Variants in NCBP3 observed in about 807,000 individuals in gnomAD.
The protein encoded by NCBP3 is nuclear cap binding subunit 3.
In NCBP3, 20 loss-of-function variants were observed where a neutral mutation model predicts 75.7. The observed-to-expected ratio is 0.26, with a 90% confidence interval of 0.19 to 0.38. NCBP3 has a LOEUF of 0.38. Among genes scored for constraint, NCBP3 ranks in the 10% least tolerant of loss-of-function variants. The probability of loss-of-function intolerance (pLI) is 1.00; values close to 1 mark genes in which losing one functional copy is unlikely to be tolerated. For missense variants in NCBP3, 678 were observed against 796.9 expected, an observed-to-expected ratio of 0.85 and a Z score of 1.80; for synonymous variants, 293 against 290.5, an observed-to-expected ratio of 1.01 and a Z score of -0.09.
In NCBP3 at chr17:3,821,936, G is replaced by T; in HGVS notation, c.896+17C>A. The T allele has an allele frequency of 6.6e-7, 1 of 1,514,528 alleles. No individual in the cohort carries two copies. Among genetic ancestry groups the T allele is most frequent in the Admixed American group, 1.8e-5 (1 of 55,836 alleles). 93.8% of individuals were successfully genotyped at this position (1,514,528 alleles called of 1,614,324 possible). A position where few individuals can be genotyped will look rare whatever the true frequency, so the allele number is the denominator to read the frequency against. On this transcript the variant is annotated intron_variant, in intron 8 of 12. Transcript: ENST00000389005. ...GAAAAACTCAAATACTATTGCATTTGAAGGTTTTGGACTCACCATGAATTG... is the reference window on the plus strand; with the variant it reads ...GAAAAACTCAAATACTATTGCATTTTAAGGTTTTGGACTCACCATGAATTG...
intron 12 of NCBP3, among the ~76,000 whole-genome samples, chr17:3,813,717 G>A (rs2053469789): frequency 1.3e-5 from 2 of 152,096 alleles, no homozygotes; most frequent in African/African-American, 4.8e-5. Context: ...TTTTGTAGAC[G>A]GCCACATTAT....
intron 3 of NCBP3, among the ~76,000 whole-genome samples, chr17:3,835,615 TA>T (rs1199787494): frequency 6.6e-6 from 1 of 152,204 alleles, no homozygotes; most frequent in African/African-American, 2.4e-5. Context: ...TACCCAAAAA[TA>T]AAGTTGCCTG....
intron 11 of NCBP3, among the ~76,000 whole-genome samples, chr17:3,815,275 C>T (rs902509275): frequency 6.6e-6 from 1 of 152,196 alleles, no homozygotes; most frequent in African/African-American, 2.4e-5. Flanking sequence ...GTAAAAAAAT[C>T]AGGTTTGCCA....
intron 4 of NCBP3, among the ~76,000 whole-genome samples, chr17:3,827,483 T>C (rs1378789083): frequency 6.6e-6 from 1 of 152,228 alleles, no homozygotes; most frequent in Non-Finnish European, 1.5e-5. Flanking sequence ...GTTGGCTTTG[T>C]AGCAACTAAT....
intron 1 of NCBP3, among the ~76,000 whole-genome samples, 180 bp downstream of exon 1, chr17:3,845,861 T>C (rs2054155410): frequency 6.8e-6 from 1 of 148,126 alleles, no homozygotes; most frequent in Admixed American, 6.7e-5. Flanking sequence ...CCCGGCGTCC[T>C]TTCTCCCGCT....
In NCBP3 at chr17:3,806,648, C is replaced by T. The variant is rs1175290486; in HGVS notation, c.*6396G>A. 2 of 142,558 alleles carry T rather than the reference C, an allele frequency of 1.4e-5. No homozygotes were observed. The highest frequency in any genetic ancestry group is 3.0e-5 in the Non-Finnish European group (2 of 66,714). The allele number at this position is 142,558 out of a possible 1,614,324, so 8.8% of individuals were successfully genotyped here. A position where few individuals can be genotyped will look rare whatever the true frequency, so the allele number is the denominator to read the frequency against. On this transcript the variant is annotated 3_prime_UTR_variant, in exon 13 of 13. Transcript: ENST00000389005. ...ATGCCTCACAACTACTTAAAATTGG[C>T]TTTTTGAAGCAGCATTTCCCTAACT... is the stretch of plus-strand genomic sequence containing the variant.
At chr17:3,819,789 C>T (rs1321348788) in intron 9 of NCBP3, among the ~76,000 whole-genome samples, 2 of 151,856 alleles carry the variant, frequency 1.3e-5, no homozygotes, top group African/African-American at 2.4e-5. Flanking sequence ...ATTATGAAAA[C>T]AAATGGGAAA....
In NCBP3 at chr17:3,812,334, A is replaced by T. The variant is rs1004398271; in HGVS notation, c.*710T>A. 5.6e-5 allele frequency: 11 copies of T among 195,348 alleles called. No individual in the cohort carries two copies. Among genetic ancestry groups the T allele is most frequent in the African/African-American group, 2.4e-4 (10 of 42,300 alleles). 12.1% of individuals were successfully genotyped at this position (195,348 alleles called of 1,614,324 possible). On this transcript the variant is annotated 3_prime_UTR_variant, in exon 13 of 13. Coordinates refer to ENST00000389005, the MANE Select transcript of NCBP3 (RefSeq NM_001114118.3). The stretch of plus-strand genomic sequence containing the variant: ...ACCCATAATCCCACCCCAGCACAAA[A>T]ATCAACCCCAAATCCAGACGTCACA...
At chr17:3,831,357 A>G (rs2053874457) in intron 3 of NCBP3, among the ~76,000 whole-genome samples, 1 of 151,598 alleles carries the variant, frequency 6.6e-6, no homozygotes, top group Non-Finnish European at 1.5e-5. Context: ...GCAGATCACG[A>G]GGTCAAGAGG....
chr17:3,843,331 G>C (rs111820521), intron 1 of NCBP3, among the ~76,000 whole-genome samples, 180 bp from the exon 2 acceptor site: 1,601 of 149,252 alleles, frequency 0.011, 36 homozygotes, highest in African/African-American at 0.038. Flanking sequence ...CCGCAGCCTC[G>C]ACTCCCCAGG....
rs1407886890 is a variant in NCBP3, at chr17:3,831,669, TTACA to T, written c.356-2305_356-2302del. Among the ~76,000 whole-genome samples, 16 of 121,148 alleles carry T rather than the reference TTACA, an allele frequency of 1.3e-4. 5 individuals are homozygous for T. Among genetic ancestry groups the T allele is most frequent in the Non-Finnish European group, 3.0e-4 (15 of 50,156 alleles). 79.5% of individuals were successfully genotyped at this position (121,148 alleles called of 152,430 possible). A position where few individuals can be genotyped will look rare whatever the true frequency, so the allele number is the denominator to read the frequency against. Reference sequence around the variant, plus strand: ...TATAAGATCTCAGGCACACAAAACATTACATATGAAACTGGGGCCCACAGTACCT... The same window carrying T: ...TATAAGATCTCAGGCACACAAAACATTATGAAACTGGGGCCCACAGTACCT... On this transcript the variant is annotated intron_variant, in intron 3 of 12. Transcript: ENST00000389005.
chr17:3,845,502 T>C (rs1287209862), intron 1 of NCBP3, among the ~76,000 whole-genome samples: 1 of 151,702 alleles, frequency 6.6e-6, no homozygotes, highest in African/African-American at 2.4e-5. Context: ...TCACTGGAGC[T>C]GCGGGGGGGG....
intron 12 of NCBP3, among the ~76,000 whole-genome samples, chr17:3,813,513 C>G (rs1311296778): frequency 1.3e-5 from 2 of 152,176 alleles, no homozygotes; most frequent in Admixed American, 6.5e-5. Flanking sequence ...GGGGACAGGT[C>G]AGGTCCCTCC....
intron 1 of NCBP3, 92 bp from the exon 2 acceptor site, chr17:3,843,243 C>CA (rs2054098129): frequency 7.2e-6 from 5 of 694,224 alleles, no homozygotes; most frequent in South Asian, 5.5e-5. Context: ...TTCTTTTTTC[C>CA]TTTTTTTTTT....
rs1218610984 is a variant in NCBP3, at chr17:3,831,356, G to A, written c.356-1988C>T. Among the ~76,000 whole-genome samples, 6 of 151,358 alleles carry A rather than the reference G, an allele frequency of 4.0e-5. No homozygotes were observed. The South Asian group carries it at 6.3e-4, about 16-fold the overall frequency. On this transcript the variant is annotated intron_variant, in intron 3 of 12. Transcript: ENST00000389005. Reference sequence around the variant, plus strand: ...TGGGAGGCAGAGGCAGGCAGATCACGAGGTCAAGAGGTCGAGACCATCTGG... The same window carrying A: ...TGGGAGGCAGAGGCAGGCAGATCACAAGGTCAAGAGGTCGAGACCATCTGG...
chr17:3,845,749 C>T (rs1293887030), intron 1 of NCBP3, among the ~76,000 whole-genome samples: 2 of 152,136 alleles, frequency 1.3e-5, no homozygotes, highest in Middle Eastern at 3.2e-3. Context: ...CACTCACCTC[C>T]TTGCACAGCG....
chr17:3,838,063 C>T (rs1192703156), intron 3 of NCBP3, among the ~76,000 whole-genome samples: 3 of 152,062 alleles, frequency 2.0e-5, no homozygotes, highest in Non-Finnish European at 4.4e-5. Context: ...ATTTTACAGA[C>T]AAGGAGACTG....
chr17:3,839,975 C>T (rs748300028), intron 3 of NCBP3, 125 bp downstream of exon 3: 8 of 666,508 alleles, frequency 1.2e-5, no homozygotes, highest in Non-Finnish European at 2.1e-5. Flanking sequence ...TTCACAGGTC[C>T]CTTCTCACAA....
chr17:3,835,734 T>C (rs2053961994), intron 3 of NCBP3, among the ~76,000 whole-genome samples: 1 of 152,378 alleles, frequency 6.6e-6, no homozygotes, highest in East Asian at 1.9e-4. Context: ...AAGGTTAACC[T>C]AGATGACCTC....
Sources: allele counts gnomAD v4.1 joint callset (sites outside exome capture counted in the v4.1 genomes callset), GRCh38; gene constraint gnomAD v4.1.1; transcripts MANE v1.5; gene names NCBI Gene and HGNC (gene_info 2026-07-23, HGNC 2026-07-21).